ABTB2: variants seen among roughly 807,000 people sequenced by gnomAD.
ABTB2 encodes ankyrin repeat and BTB domain containing 2.
In ABTB2, 56 loss-of-function variants were observed where a neutral mutation model predicts 104.1. The observed-to-expected ratio is 0.54, with a 90% CI of 0.43 to 0.67. ABTB2 has a LOEUF of 0.67. ABTB2 is among the 30% of genes least tolerant of loss of function. ABTB2 has a pLI of 0.00. For synonymous variants in ABTB2, 606 were observed against 608.2 expected, an observed-to-expected ratio of 1.00 and a Z score of 0.05; for missense variants, 1,279 against 1,407.7, an observed-to-expected ratio of 0.91 and a Z score of 1.46.
At chr11:34,345,860 ACT>A (rs1329087819) in intron 1 of ABTB2, among the ~76,000 whole-genome samples, 1 of 152,020 alleles carries the variant, frequency 6.6e-6, no homozygotes, top group Non-Finnish European at 1.5e-5. Flanking sequence ...CACAAAAGCA[ACT>A]CTTTTTTTGC....
chr11:34,272,320 A>G (rs1854324588), intron 1 of ABTB2, among the ~76,000 whole-genome samples: 1 of 151,630 alleles, frequency 6.6e-6, no homozygotes, highest in East Asian at 1.9e-4. Context: ...AAAAAAAAAA[A>G]AGAATACAGA....
rs1235433978 is a variant in ABTB2, at chr11:34,357,213, G to T, written c.371C>A (p.Ala124Glu). Residue 124 changes from alanine to glutamate, a missense_variant, in exon 1 of 17, where the codon GCG becomes GAG. Physicochemically the swap from Ala to Glu is moderately radical, Grantham distance 107. Transcript: ENST00000435224. ...GRRLPQFSAE[A>E]VRRLAGLLRR... ...GAGCAGCCCGGCCAGGCGCCTCACC[G>T]CCTCGGCGGAGAACTGGGGCAGCCG... 10 of 1,508,862 alleles carry T rather than the reference G, an allele frequency of 6.6e-6. No homozygotes were observed. Among genetic ancestry groups the T allele is most frequent in the Non-Finnish European group, 8.8e-6 (10 of 1,136,146 alleles). 93.5% of individuals were successfully genotyped at this position (1,508,862 alleles called of 1,614,324 possible).
In ABTB2 at chr11:34,356,612, AG is replaced by A; in HGVS notation, c.883+88del. On this transcript the variant is annotated intron_variant, in intron 1 of 16. Transcript: ENST00000435224. This position sits in a 1 kb window ranked among gnomAD's most constrained non-coding sequence, Gnocchi z 4.6. ...CTCCCAAAGAACTGGCACAGCCACC[AG>A]CTTTGTCTCAGGAAATTCACTCCCC... The A allele has an allele frequency of 3.5e-6, 5 of 1,432,288 alleles. No individual in the cohort carries two copies. In the South Asian group the frequency reaches 7.4e-5, roughly 21 times the overall value. The allele number at this position is 1,432,288 out of a possible 1,614,324, so 88.7% of individuals were successfully genotyped here. A position where few individuals can be genotyped will look rare whatever the true frequency, so the allele number is the denominator to read the frequency against.
intron 14 of ABTB2, among the ~76,000 whole-genome samples, chr11:34,158,152 C>T (rs953566661): frequency 1.3e-5 from 2 of 152,224 alleles, no homozygotes; most frequent in Admixed American, 1.3e-4. Flanking sequence ...CAGTGGCTCA[C>T]GCCTGTAATC....
At chr11:34,246,379 A>T (rs1421110910) in intron 1 of ABTB2, among the ~76,000 whole-genome samples, 3 of 152,094 alleles carry the variant, frequency 2.0e-5, no homozygotes, top group Non-Finnish European at 4.4e-5. Flanking sequence ...AGGCAGGTGG[A>T]TCATCTGAGG....
chr11:34,266,460 G>A (rs1387219892), intron 1 of ABTB2, among the ~76,000 whole-genome samples: 4 of 152,114 alleles, frequency 2.6e-5, no homozygotes, highest in African/African-American at 4.8e-5. Context: ...AGAGCTGGCC[G>A]ATCAGACCAA....
chr11:34,356,718 C>A lies in ABTB2; in HGVS notation c.866G>T (p.Cys289Phe). 1 of 1,594,776 alleles carries A rather than the reference C, an allele frequency of 6.3e-7. No homozygotes were observed. The part of the protein sequence containing the change: ...GVLQPYEHLI[C>F]GKNANGVLSL... ...GCGCTTACCATTGGCGTTCTTGCCGCAGATGAGATGCTCATAGGGCTGCAA... is the reference window on the plus strand; with the variant it reads ...GCGCTTACCATTGGCGTTCTTGCCGAAGATGAGATGCTCATAGGGCTGCAA... Residue 289 changes from cysteine (C) to phenylalanine (F), a missense_variant, in exon 1 of 17, where the codon TGC (cysteine) becomes TTC (phenylalanine). Coordinates refer to ENST00000435224, the MANE Select transcript of ABTB2 (RefSeq NM_145804.3). This position sits in a 1 kb window ranked among gnomAD's most constrained non-coding sequence, Gnocchi z 4.6.
At chr11:34,242,853 G>C (rs972862253) in intron 1 of ABTB2, among the ~76,000 whole-genome samples, 1 of 152,140 alleles carries the variant, frequency 6.6e-6, no homozygotes, top group Non-Finnish European at 1.5e-5. Context: ...TCATTTTCCA[G>C]AACAGGGAGC....
intron 1 of ABTB2, among the ~76,000 whole-genome samples, chr11:34,336,702 G>A (rs559199317): frequency 6.6e-6 from 1 of 151,904 alleles, no homozygotes; most frequent in African/African-American, 2.4e-5. Context: ...GTTAGACCCG[G>A]GTTTGTTTCC....
intron 7 of ABTB2, among the ~76,000 whole-genome samples, chr11:34,166,754 A>G (rs1252011440): frequency 6.6e-6 from 1 of 152,238 alleles, no homozygotes; most frequent in Non-Finnish European, 1.5e-5. Flanking sequence ...ACGCCAGCAC[A>G]GCTACCTGAG....
At chr11:34,164,326 C>T (rs568488185) in intron 9 of ABTB2, among the ~76,000 whole-genome samples, 5 of 152,334 alleles carry the variant, frequency 3.3e-5, no homozygotes, top group South Asian at 2.1e-4. Flanking sequence ...GCTATTTGGA[C>T]GTCCAAGGCC....
At chr11:34,248,273 T>C (rs77614174) in intron 1 of ABTB2, among the ~76,000 whole-genome samples, 2 of 151,880 alleles carry the variant, frequency 1.3e-5, no homozygotes, top group Non-Finnish European at 2.9e-5. Flanking sequence ...AATTTTTTTG[T>C]AGAGGGTGGG....
At chr11:34,237,333 A>AGT (rs758129339) in intron 1 of ABTB2, among the ~76,000 whole-genome samples, 60 of 136,306 alleles carry the variant, frequency 4.4e-4, no homozygotes, top group South Asian at 1.6e-3. Context: ...CAGGCTGGGC[A>AGT]GTGGCGCCAT....
intron 3 of ABTB2, among the ~76,000 whole-genome samples, chr11:34,174,347 A>G (rs1191299053): frequency 1.4e-4 from 21 of 151,244 alleles, no homozygotes; most frequent in African/African-American, 3.1e-4. Context: ...AAAAAAAAAA[A>G]AAAGAAAGAA....
At chr11:34,339,598 T>C (rs1855238209) in intron 1 of ABTB2, among the ~76,000 whole-genome samples, 1 of 152,012 alleles carries the variant, frequency 6.6e-6, no homozygotes, top group South Asian at 2.1e-4. Context: ...TGGCCTTGTG[T>C]CCTTCCTGTT....
intron 1 of ABTB2, among the ~76,000 whole-genome samples, chr11:34,338,694 C>T (rs146321956): frequency 2.9e-3 from 447 of 152,294 alleles, no homozygotes; most frequent in Non-Finnish European, 4.7e-3. Context: ...CAGAGGGAGA[C>T]TTCCTCTCAA....
chr11:34,203,486 C>T (rs748831238), intron 2 of ABTB2, among the ~76,000 whole-genome samples: 3 of 152,192 alleles, frequency 2.0e-5, no homozygotes, highest in Non-Finnish European at 4.4e-5. Flanking sequence ...AGACACTTCT[C>T]AGGGACGGAG....
chr11:34,312,343 G>C (rs946262520), intron 1 of ABTB2, among the ~76,000 whole-genome samples: 4 of 152,108 alleles, frequency 2.6e-5, no homozygotes, highest in African/African-American at 9.7e-5. Context: ...AGTGATGTTG[G>C]ACTTAGGGCC....
In ABTB2 at chr11:34,253,652, C is replaced by T. The variant is rs149215480; in HGVS notation, c.884-48962G>A. ...GAACGTGCCACTGCACTCCAGTCTG[C>T]GCAATAGAGCGAGATTCCGTCTCAA... On this transcript the variant is annotated intron_variant, in intron 1 of 16. Transcript: ENST00000435224. Among the ~76,000 whole-genome samples, 10 of 149,158 alleles carry T rather than the reference C, an allele frequency of 6.7e-5. No homozygotes were observed. The East Asian group carries it at 7.8e-4, about 12-fold the overall frequency.
Sources: gnomAD v4.1 joint callset for allele counts (sites outside exome capture counted in the v4.1 genomes callset) on GRCh38, gnomAD v4.1.1 for gene constraint, Gnocchi (gnomAD v3.1) non-coding constraint, MANE v1.5 for transcripts, NCBI Gene and HGNC (gene_info 2026-07-23, HGNC 2026-07-21) for gene names.